Variants in FBXL17 observed in about 807,000 individuals in gnomAD.
The protein encoded by FBXL17 is F-box/LRR-repeat protein 17.
In FBXL17, 22 loss-of-function variants were observed where a neutral mutation model predicts 66.2. The observed-to-expected ratio is 0.33, with a 90% CI of 0.24 to 0.47. The LOEUF (loss-of-function observed/expected upper bound fraction) is 0.47, where lower values mean the gene tolerates loss of function less well. FBXL17 is among the 20% of genes least tolerant of loss of function. FBXL17 has a pLI of 1.00. For synonymous variants in FBXL17, 474 were observed against 400.5 expected (o/e 1.18, Z -2.19); for missense variants, 878 against 948.2 (o/e 0.93, Z 0.97).
At chr5:107,882,355 A>ATT (rs10641660) in intron 7 of FBXL17, among the ~76,000 whole-genome samples, 51,028 of 148,212 alleles carry the variant, frequency 0.34, 8,749 homozygotes, top group South Asian at 0.42. Flanking sequence ...TTACCTCAGT[A>ATT]TTTTTTTTTT....
At chr5:107,967,185 C>G (rs1487805008) in intron 7 of FBXL17, among the ~76,000 whole-genome samples, 1 of 151,544 alleles carries the variant, frequency 6.6e-6, no homozygotes, top group African/African-American at 2.4e-5. Flanking sequence ...TTTTGTACAT[C>G]GTTTTAAATT....
chr5:108,204,645 A>G (rs1391968097), intron 5 of FBXL17, among the ~76,000 whole-genome samples: 5 of 152,192 alleles, frequency 3.3e-5, no homozygotes, highest in Non-Finnish European at 7.3e-5. Flanking sequence ...TTGGCATTTC[A>G]GACTCTACAG....
At chr5:108,042,112 C>G (rs551885785) in intron 6 of FBXL17, among the ~76,000 whole-genome samples, 1 of 152,236 alleles carries the variant, frequency 6.6e-6, no homozygotes, top group South Asian at 2.1e-4. Flanking sequence ...TCAGGCTGGT[C>G]TCGAACTCCT....
Position 107,873,714 on chromosome 5 carries a change from T to C in FBXL17, c.1965+7323A>G, listed in dbSNP as rs150868072. Among the ~76,000 whole-genome samples the C allele has an allele frequency of 6.4e-4, 97 of 152,342 alleles. 1 individual carries two copies. The East Asian group carries it at 0.011, about 17-fold the overall frequency. Reference sequence around the variant, plus strand: ...GTTGAGGAATTGCTGCTACCTATTCTATTTTTAAATTCAAAAAATAATATG... The same window carrying C: ...GTTGAGGAATTGCTGCTACCTATTCCATTTTTAAATTCAAAAAATAATATG... On this transcript the variant is annotated intron_variant, in intron 8 of 8. Coordinates refer to ENST00000542267, the MANE Select transcript of FBXL17 (RefSeq NM_001163315.3).
In FBXL17 at chr5:107,861,342, T is replaced by A. The variant is rs1315041290; in HGVS notation, c.*378A>T. ...GTCATCATCAGTAGAAGTGCACAAT[T>A]CATCCCATGTAAAAAGAAGGCCTTC... On this transcript the variant is annotated 3_prime_UTR_variant, in exon 9 of 9. Transcript: ENST00000542267. 1 of 148,344 alleles carries A rather than the reference T, an allele frequency of 6.7e-6. No homozygotes were observed. The highest frequency in any genetic ancestry group is 1.5e-5 in the Non-Finnish European group (1 of 66,614). The allele number at this position is 148,344 out of a possible 1,614,324, so 9.2% of individuals were successfully genotyped here. A position where few individuals can be genotyped will look rare whatever the true frequency, so the allele number is the denominator to read the frequency against.
chr5:108,348,478 T>C lies in FBXL17; in HGVS notation c.1427A>G (p.Lys476Arg), dbSNP rs1747423278. 2.5e-6 allele frequency: 4 copies of C among 1,613,778 alleles called. No homozygotes were observed. The highest frequency in any genetic ancestry group is 1.3e-5 in the African/African-American group (1 of 75,042). The change falls in exon 4 of 9, where the codon AAG (lysine) becomes AGG (arginine). Residue 476 changes from lysine to arginine, a missense_variant. Physicochemically the swap from Lys to Arg is conservative, Grantham distance 26 (BLOSUM62 2). This residue lies in a region of FBXL17 where 236 missense variants were observed against 389.1 expected (regional missense o/e 0.61). Coordinates refer to ENST00000542267, the MANE Select transcript of FBXL17 (RefSeq NM_001163315.3). ...GACGATCATGCCTTCATCTGAGATC[T>C]TGTAACACTGGCCGAAATGAATATC... ...LKDIHFGQCY[K>R]ISDEGMIVIA...
intron 7 of FBXL17, among the ~76,000 whole-genome samples, chr5:107,913,147 G>A (rs1342928675): frequency 6.6e-6 from 1 of 152,010 alleles, no homozygotes; most frequent in African/African-American, 2.4e-5. Flanking sequence ...GACTTTAGGA[G>A]AATATATGAG....
At chr5:108,296,178 G>C (rs1000513709) in intron 4 of FBXL17, among the ~76,000 whole-genome samples, 1 of 151,748 alleles carries the variant, frequency 6.6e-6, no homozygotes, top group African/African-American at 2.4e-5. Context: ...AGAAAGACAA[G>C]AGATAGGGAA....
intron 8 of FBXL17, among the ~76,000 whole-genome samples, chr5:107,863,856 G>A (rs571453617): frequency 7.4e-4 from 112 of 152,276 alleles, no homozygotes; most frequent in African/African-American, 2.3e-3. Flanking sequence ...ACCCAACCCA[G>A]AAGGTTGAGT....
intron 6 of FBXL17, among the ~76,000 whole-genome samples, chr5:108,171,421 C>T (rs1752601850): frequency 6.6e-6 from 1 of 152,182 alleles, no homozygotes. Flanking sequence ...TTCAGCAAGA[C>T]ATTCTACCTA....
intron 6 of FBXL17, among the ~76,000 whole-genome samples, chr5:108,079,622 C>T (rs1337351255): frequency 6.6e-6 from 1 of 151,982 alleles, no homozygotes; most frequent in Non-Finnish European, 1.5e-5. Flanking sequence ...CATTATTAAC[C>T]TCTGCTTAAA....
At chr5:108,261,691 C>A (rs896801417) in intron 4 of FBXL17, among the ~76,000 whole-genome samples, 1 of 151,648 alleles carries the variant, frequency 6.6e-6, no homozygotes, top group Non-Finnish European at 1.5e-5. Flanking sequence ...TGCAAATATA[C>A]AGGATAGAAG....
chr5:108,104,080 A>G (rs937589655), intron 6 of FBXL17, among the ~76,000 whole-genome samples: 1 of 152,060 alleles, frequency 6.6e-6, no homozygotes, highest in African/African-American at 2.4e-5. Flanking sequence ...TTGTTGCCCA[A>G]GCTAGAGTGC....
intron 6 of FBXL17, among the ~76,000 whole-genome samples, chr5:108,029,577 T>G (rs779090100): frequency 7.2e-5 from 11 of 152,142 alleles, no homozygotes; most frequent in Non-Finnish European, 1.5e-4. Flanking sequence ...TAGCAGGTCA[T>G]GTTAAGTTGT....
At chr5:107,984,550 C>G (rs1752945977) in intron 7 of FBXL17, among the ~76,000 whole-genome samples, 1 of 152,124 alleles carries the variant, frequency 6.6e-6, no homozygotes, top group Non-Finnish European at 1.5e-5. Context: ...GCATACACAG[C>G]ATCCTTCTAA....
chr5:108,145,762 G>T (rs1751528630), intron 6 of FBXL17, among the ~76,000 whole-genome samples: 2 of 151,634 alleles, frequency 1.3e-5, no homozygotes, highest in South Asian at 4.2e-4. Context: ...CATTTTTAAA[G>T]GGCAGCAAAG....
intron 6 of FBXL17, among the ~76,000 whole-genome samples, chr5:108,183,036 T>TC: frequency 4.5e-5 from 1 of 22,116 alleles, no homozygotes; most frequent in Non-Finnish European, 1.2e-4. Flanking sequence ...AGTTTTCTAT[T>TC]TTTTTTTTTT....
At chr5:108,283,887 T>C (rs897888097) in intron 4 of FBXL17, among the ~76,000 whole-genome samples, 8 of 151,676 alleles carry the variant, frequency 5.3e-5, no homozygotes, top group Non-Finnish European at 7.4e-5. Context: ...GAAATGAATA[T>C]ATATTTTTCA....
chr5:108,288,254 G>A (rs540209322), intron 4 of FBXL17, among the ~76,000 whole-genome samples: 2 of 150,402 alleles, frequency 1.3e-5, no homozygotes, highest in Non-Finnish European at 3.0e-5. Context: ...CATGTACCCC[G>A]AGCCTAAAAT....
Sources: allele counts gnomAD v4.1 joint callset (sites outside exome capture counted in the v4.1 genomes callset), GRCh38; gene constraint gnomAD v4.1.1; regional missense constraint gnomAD v4.1.1; transcripts MANE v1.5; gene names NCBI Gene and HGNC (gene_info 2026-07-23, HGNC 2026-07-21).